The following KCMF1 variants were observed in gnomAD, a reference collection of about 807,000 sequenced individuals.
KCMF1 encodes the protein E3 ubiquitin-protein ligase KCMF1.
Under a neutral mutation model 41.1 loss-of-function variants are expected in KCMF1, and 3 were observed. The ratio of observed to expected loss-of-function variants is 0.07; its 90% CI spans 0.03 to 0.19. The LOEUF (loss-of-function observed/expected upper bound fraction) is 0.19. Ranked by LOEUF, KCMF1 falls within the 10% of genes least tolerant of loss-of-function variation. The probability of loss-of-function intolerance (pLI) is 1.00; values close to 1 mark genes in which losing one functional copy is unlikely to be tolerated. For synonymous variants in KCMF1, 142 were observed against 164.5 expected, an observed-to-expected ratio of 0.86 and a Z score of 1.04; for missense variants, 286 against 488.9, an observed-to-expected ratio of 0.58 and a Z score of 3.91.
At position 85,028,187 on chromosome 2, in the gene KCMF1, C is replaced by T. The variant is rs529805559; in HGVS notation, c.184+131C>T. On this transcript the variant is annotated intron_variant, in intron 2 of 6. Coordinates refer to ENST00000409785, the MANE Select transcript of KCMF1 (RefSeq NM_020122.5). ...CAAATTCATTAAACATGAAATAAAT[C>T]TTACTTTTTTTTGAGACGGAGTTTC... The T allele has an allele frequency of 2.9e-5, 18 of 621,910 alleles. 1 individual carries two copies. The highest frequency in any genetic ancestry group is 4.3e-4 in the Middle Eastern group (1 of 2,314). The allele number at this position is 621,910 out of a possible 1,614,324, so 38.5% of individuals were successfully genotyped here.
intron 1 of KCMF1, among the ~76,000 whole-genome samples, chr2:84,984,650 G>A (rs979711466): frequency 2.0e-5 from 3 of 151,862 alleles, no homozygotes; most frequent in African/African-American, 4.8e-5. Context: ...AAGAAACCCC[G>A]TCACTACTAA....
chr2:84,981,325 G>T (rs1402115155), intron 1 of KCMF1, among the ~76,000 whole-genome samples: 1 of 151,962 alleles, frequency 6.6e-6, no homozygotes, highest in East Asian at 1.9e-4. Context: ...AAGTAGCTGG[G>T]ACTACAGGCA....
intron 1 of KCMF1, among the ~76,000 whole-genome samples, chr2:84,976,065 A>T (rs1013608107): frequency 6.6e-5 from 10 of 152,208 alleles, no homozygotes; most frequent in Non-Finnish European, 1.3e-4. Context: ...TAGCTTCCAC[A>T]GTGCATTGTG....
At chr2:84,976,268 G>A (rs528074049) in intron 1 of KCMF1, among the ~76,000 whole-genome samples, 1 of 149,262 alleles carries the variant, frequency 6.7e-6, no homozygotes, top group South Asian at 2.1e-4. Flanking sequence ...ATGCAGTGGC[G>A]TGATCTTGTC....
intron 3 of KCMF1, among the ~76,000 whole-genome samples, chr2:85,041,653 CTA>C (rs1675537880): frequency 6.6e-6 from 1 of 152,066 alleles, no homozygotes; most frequent in East Asian, 1.9e-4. Flanking sequence ...TGTAATAAAA[CTA>C]TAACCCAGCA....
chr2:84,975,885 T>G (rs534256212), intron 1 of KCMF1, among the ~76,000 whole-genome samples: 29 of 152,350 alleles, frequency 1.9e-4, no homozygotes, highest in African/African-American at 7.0e-4. Context: ...TTGCATAGAT[T>G]AGAGCCTAAT....
At chr2:85,047,612 A>C (rs80301067) in intron 5 of KCMF1, among the ~76,000 whole-genome samples, 22 of 151,874 alleles carry the variant, frequency 1.4e-4, no homozygotes, top group Admixed American at 1.3e-3. Flanking sequence ...AAAAAAAAAA[A>C]ACACAGTTTT....
At chr2:84,982,926 T>C (rs892292389) in intron 1 of KCMF1, among the ~76,000 whole-genome samples, 8 of 152,218 alleles carry the variant, frequency 5.3e-5, no homozygotes, top group African/African-American at 1.9e-4. Flanking sequence ...GATTTTCTCT[T>C]CTCTAGGAAA....
chr2:85,002,202 G>T (rs1304880958), intron 1 of KCMF1, among the ~76,000 whole-genome samples: 3 of 152,120 alleles, frequency 2.0e-5, no homozygotes, highest in Admixed American at 6.6e-5. Flanking sequence ...CTGGTTTTCA[G>T]TCTCCAGTAT....
intron 6 of KCMF1, among the ~76,000 whole-genome samples, chr2:85,052,417 A>G (rs937704007): frequency 6.6e-6 from 1 of 152,006 alleles, no homozygotes; most frequent in Non-Finnish European, 1.5e-5. Flanking sequence ...GCTAACCCCA[A>G]CTTGAAGATC....
chr2:85,006,588 C>T (rs944357450), intron 1 of KCMF1, among the ~76,000 whole-genome samples: 4 of 151,698 alleles, frequency 2.6e-5, no homozygotes, highest in African/African-American at 9.7e-5. Flanking sequence ...CGTGAGCCAC[C>T]GCGCCCGGCC....
At chr2:85,020,120 C>A (rs1240687575) in intron 1 of KCMF1, among the ~76,000 whole-genome samples, 1 of 152,044 alleles carries the variant, frequency 6.6e-6, no homozygotes, top group Non-Finnish European at 1.5e-5. Context: ...CATCTTTTTA[C>A]TGAAAGATAA....
At chr2:85,048,334 A>G (rs1022593032) in intron 5 of KCMF1, among the ~76,000 whole-genome samples, 1 of 152,174 alleles carries the variant, frequency 6.6e-6, no homozygotes, top group Admixed American at 6.5e-5. Flanking sequence ...AAATTAAAGT[A>G]GTTTCTGGGA....
At position 84,993,226 on chromosome 2, in the gene KCMF1, C is replaced by A. The variant is rs535011238; in HGVS notation, c.16+21759C>A. 8.6e-5 allele frequency among the ~76,000 whole-genome samples: 13 copies of A among 150,752 alleles called. No homozygotes were observed. In the South Asian group the frequency reaches 2.7e-3, roughly 32 times the overall value. Reference sequence around the variant, plus strand: ...GAAAAGAAACAGGAAAAAAACAAAACAAAACAAAAAAACCAAAGACAGTAT... The same window carrying A: ...GAAAAGAAACAGGAAAAAAACAAAAAAAAACAAAAAAACCAAAGACAGTAT... On this transcript the variant is annotated intron_variant, in intron 1 of 6. Coordinates refer to ENST00000409785, the MANE Select transcript of KCMF1 (RefSeq NM_020122.5).
intron 1 of KCMF1, among the ~76,000 whole-genome samples, chr2:84,985,895 A>G (rs529792779): frequency 1.3e-5 from 2 of 152,124 alleles, no homozygotes; most frequent in Admixed American, 6.6e-5. Context: ...TCAAACTTTT[A>G]AAAAAATATA....
intron 1 of KCMF1, among the ~76,000 whole-genome samples, chr2:84,986,432 A>G (rs1673902766): frequency 1.3e-5 from 2 of 152,088 alleles, no homozygotes; most frequent in African/African-American, 4.8e-5. Flanking sequence ...AGTTGGGGGA[A>G]GGGGATCCGC....
intron 3 of KCMF1, among the ~76,000 whole-genome samples, chr2:85,037,339 A>G (rs917786318): frequency 2.6e-5 from 4 of 152,206 alleles, no homozygotes; most frequent in African/African-American, 7.2e-5. Flanking sequence ...TTTAATATAA[A>G]AGTACAGGAT....
intron 1 of KCMF1, among the ~76,000 whole-genome samples, chr2:84,997,259 G>C (rs1025778282): frequency 1.3e-5 from 2 of 151,990 alleles, no homozygotes; most frequent in African/African-American, 4.8e-5. Context: ...TGTAGGTCTT[G>C]AGGATATTAA....
chr2:84,976,089 G>A (rs1399911677), intron 1 of KCMF1, among the ~76,000 whole-genome samples: 3 of 152,078 alleles, frequency 2.0e-5, no homozygotes, highest in African/African-American at 7.2e-5. Context: ...CATGCCATAA[G>A]GAAGGGATAA....
Sources: allele counts gnomAD v4.1 joint callset (sites outside exome capture counted in the v4.1 genomes callset), GRCh38; gene constraint gnomAD v4.1.1; transcripts MANE v1.5; gene names NCBI Gene and HGNC (gene_info 2026-07-23, HGNC 2026-07-21).